The following B3GALNT2 variants were observed in gnomAD, a reference collection of about 807,000 sequenced individuals.
B3GALNT2 encodes the protein beta-1,3-N-acetylgalactosaminyltransferase 2.
Under a neutral mutation model 61.1 loss-of-function variants are expected in B3GALNT2, and 53 were observed. That is an observed-to-expected ratio of 0.87 (90% CI 0.70 to 1.09). The LOEUF (loss-of-function observed/expected upper bound fraction) is 1.09, where lower values mean the gene tolerates loss of function less well. Among genes scored for constraint, B3GALNT2 ranks in the 50% least tolerant of loss-of-function variants. The pLI is 0.00. For synonymous variants in B3GALNT2, 223 were observed against 237.4 expected, an observed-to-expected ratio of 0.94 and a Z score of 0.56; for missense variants, 544 against 623.0, an observed-to-expected ratio of 0.87 and a Z score of 1.35.
chr1:235,484,490 G>A lies in B3GALNT2; in HGVS notation c.387C>T (p.Phe129=), dbSNP rs757025872. Reference sequence around the variant, plus strand: ...CCGATGAAGTGTCTTCGGACAGACTGAACGCTTCAATTTCCTGATTCAAAA... The same window carrying A: ...CCGATGAAGTGTCTTCGGACAGACTAAACGCTTCAATTTCCTGATTCAAAA... ...NPVLNQEIEA[F]SLSEDTSSGL... is the part of the protein sequence containing the mutation. Residue 129 remains phenylalanine (F), a synonymous_variant, in exon 4 of 12, where the codon TTC becomes TTT. Transcript: ENST00000366600. The A allele has an allele frequency of 1.2e-6, 2 of 1,614,054 alleles. No homozygotes were observed. The highest frequency in any genetic ancestry group is 1.3e-5 in the African/African-American group (1 of 75,050).
In B3GALNT2 at chr1:235,504,077, C is replaced by A. The variant is rs1232133603; in HGVS notation, c.112+64G>T. The A allele has an allele frequency of 1.2e-5, 15 of 1,200,654 alleles. No individual in the cohort carries two copies. The East Asian group carries it at 5.3e-4, about 42-fold the overall frequency. 74.4% of individuals were successfully genotyped at this position (1,200,654 alleles called of 1,614,324 possible). On this transcript the variant is annotated intron_variant, in intron 1 of 11. Transcript: ENST00000366600. ...TCCAACAATTCCCGGCGAAGCCCCGCGGCACCAAGCCGGGCCTCCCACCCC... is the reference window on the plus strand; with the variant it reads ...TCCAACAATTCCCGGCGAAGCCCCGAGGCACCAAGCCGGGCCTCCCACCCC...
At chr1:235,461,585 C>T (rs926152450) in intron 7 of B3GALNT2, among the ~76,000 whole-genome samples, 32 of 129,168 alleles carry the variant, frequency 2.5e-4, no homozygotes, top group African/African-American at 8.8e-4. Context: ...AGCGCTATCT[C>T]GGCTCACTGC....
intron 10 of B3GALNT2, 113 bp from the exon 11 acceptor site, chr1:235,453,259 A>G: frequency 2.8e-6 from 3 of 1,076,992 alleles, no homozygotes; most frequent in Non-Finnish European, 4.1e-6. Context: ...TTGCTCTGTT[A>G]TTATTCTAAT....
chr1:235,495,866 G>C (rs1465951717), intron 1 of B3GALNT2, among the ~76,000 whole-genome samples: 1 of 152,108 alleles, frequency 6.6e-6, no homozygotes, highest in African/African-American at 2.4e-5. Context: ...TAGGTATTCA[G>C]TCTAAAAGAC....
chr1:235,496,624 C>A (rs956409133), intron 1 of B3GALNT2, among the ~76,000 whole-genome samples: 1 of 150,848 alleles, frequency 6.6e-6, no homozygotes, highest in Non-Finnish European at 1.5e-5. Flanking sequence ...CGGCTCACTG[C>A]AACCTCTGCC....
At chr1:235,441,962 T>C in the B3GALNT2 span, 11 of 1,281,114 alleles carry the variant, frequency 8.6e-6, no homozygotes, top group Non-Finnish European at 1.1e-5. Flanking sequence ...CTCTTAAGTG[T>C]GTACCTCTTA....
chr1:235,465,756 A>G, intron 6 of B3GALNT2, 42 bp from the exon 7 acceptor site: 1 of 1,599,040 alleles, frequency 6.3e-7, no homozygotes, highest in Non-Finnish European at 8.5e-7. Context: ...ATTACTAAAA[A>G]TACACTGATC....
rs910266723 is a variant in B3GALNT2, at chr1:235,447,677, G to GTCA, written c.*2526_*2528dup. On this transcript the variant is annotated 3_prime_UTR_variant, in exon 12 of 12. Transcript: ENST00000366600. The stretch of plus-strand genomic sequence containing the variant: ...TGTTCGTTCAGTAATTCATAAGGAA[G>GTCA]TCATCATAAAGGTTTAAAAAGAAAA... Among the ~76,000 whole-genome samples, 2 of 152,166 alleles carry GTCA rather than the reference G, an allele frequency of 1.3e-5. No individual in the cohort carries two copies. Among genetic ancestry groups the GTCA allele is most frequent in the African/African-American group, 2.4e-5 (1 of 41,428 alleles).
At chr1:235,471,875 C>A (rs1262366376) in intron 5 of B3GALNT2, among the ~76,000 whole-genome samples, 5 of 152,060 alleles carry the variant, frequency 3.3e-5, no homozygotes, top group African/African-American at 1.2e-4. Context: ...GTTGGCCAGG[C>A]TGGTCTGGAA....
chr1:235,492,349 G>C (rs1327288697), intron 2 of B3GALNT2, among the ~76,000 whole-genome samples: 2 of 152,128 alleles, frequency 1.3e-5, no homozygotes, highest in Non-Finnish European at 2.9e-5. Flanking sequence ...CAAAATTACT[G>C]TGTCCCAGGA....
intron 2 of B3GALNT2, among the ~76,000 whole-genome samples, chr1:235,492,795 A>G (rs961265031): frequency 6.6e-6 from 1 of 152,198 alleles, no homozygotes; most frequent in Non-Finnish European, 1.5e-5. Flanking sequence ...CTAATCAGAG[A>G]CCTGAAGGAA....
At chr1:235,498,154 A>G (rs953964836) in intron 1 of B3GALNT2, among the ~76,000 whole-genome samples, 2 of 152,240 alleles carry the variant, frequency 1.3e-5, no homozygotes, top group Non-Finnish European at 2.9e-5. Flanking sequence ...TGTGTTACAC[A>G]GTACAAAACC....
At chr1:235,496,493 C>T (rs1304060907) in intron 1 of B3GALNT2, among the ~76,000 whole-genome samples, 1 of 151,294 alleles carries the variant, frequency 6.6e-6, no homozygotes, top group East Asian at 1.9e-4. Context: ...GTGAAAAGCA[C>T]TACATATAGA....
intron 8 of B3GALNT2, among the ~76,000 whole-genome samples, chr1:235,458,020 C>T (rs138162146): frequency 2.0e-5 from 3 of 151,762 alleles, no homozygotes; most frequent in East Asian, 3.9e-4. Context: ...GATTTTCATG[C>T]CTCAGCCCCC....
At chr1:235,480,813 G>A (rs1684524637) in intron 4 of B3GALNT2, among the ~76,000 whole-genome samples, 1 of 146,190 alleles carries the variant, frequency 6.8e-6, no homozygotes, top group Non-Finnish European at 1.5e-5. Context: ...GGCTGAAGCA[G>A]GAGAATCGCT....
chr1:235,484,190 G>T, intron 4 of B3GALNT2, 132 bp downstream of exon 4: 1 of 1,344,384 alleles, frequency 7.4e-7, no homozygotes. Flanking sequence ...AGTCAATAGG[G>T]GAAGAAAGGT....
intron 6 of B3GALNT2, among the ~76,000 whole-genome samples, chr1:235,466,346 G>A (rs1403076873): frequency 6.6e-6 from 1 of 151,632 alleles, no homozygotes; most frequent in East Asian, 1.9e-4. Flanking sequence ...TGGGATTACA[G>A]GCGTGAGCCA....
intron 3 of B3GALNT2, among the ~76,000 whole-genome samples, chr1:235,487,270 C>T (rs1417251632): frequency 6.6e-6 from 1 of 152,052 alleles, no homozygotes; most frequent in East Asian, 1.9e-4. Flanking sequence ...CACAGACATC[C>T]TAAGTAAGAA....
downstream of B3GALNT2, among the ~76,000 whole-genome samples, chr1:235,442,250 A>C (rs752971871): frequency 1.3e-5 from 2 of 152,108 alleles, no homozygotes; most frequent in Admixed American, 6.5e-5. Context: ...GGCTCACCGC[A>C]ACCTCCGCCT....
Sources: gnomAD v4.1 joint callset for allele counts (sites outside exome capture counted in the v4.1 genomes callset) on GRCh38, gnomAD v4.1.1 for gene constraint, MANE v1.5 for transcripts, NCBI Gene and HGNC (gene_info 2026-07-23, HGNC 2026-07-21) for gene names.